The following KCNS2 variants were observed in gnomAD, a reference collection of about 807,000 sequenced individuals.
KCNS2 encodes the protein potassium voltage-gated channel modifier subfamily S member 2, also known as delayed-rectifier potassium channel regulatory subunit KCNS2.
In KCNS2, 15 loss-of-function variants were observed where a neutral mutation model predicts 28.3. The observed-to-expected ratio is 0.53, with a 90% CI of 0.35 to 0.82. The LOEUF (loss-of-function observed/expected upper bound fraction) is 0.82. KCNS2 is among the 40% of genes least tolerant of loss of function. The pLI, the probability that KCNS2 is intolerant of heterozygous loss-of-function variation, is 0.01. For missense variants in KCNS2, 501 were observed against 617.1 expected (o/e 0.81, Z 1.99); for synonymous variants, 254 against 256.7 (o/e 0.99, Z 0.10).
Position 98,427,300 on chromosome 8 carries a change from G to T in KCNS2, c.-72G>T, listed in dbSNP as rs1472634526. 6.6e-6 allele frequency: 1 copy of T among 151,598 alleles called. No homozygotes were observed. The highest frequency in any genetic ancestry group is 2.4e-5 in the African/African-American group (1 of 41,352). 9.4% of individuals were successfully genotyped at this position (151,598 alleles called of 1,614,324 possible). A position where few individuals can be genotyped will look rare whatever the true frequency, so the allele number is the denominator to read the frequency against. ...CCGCGGGTTGGGGAAGTTTCCCGCC[G>T]GCCTCGGCCGCGGGCACCCGTGCTC... On this transcript the variant is annotated 5_prime_UTR_variant, in exon 1 of 2. Transcript: ENST00000287042.
rs1425676977 is a variant in KCNS2, at chr8:98,431,985, C to T, written c.*2572C>T. 6.0e-6 allele frequency: 1 copy of T among 167,082 alleles called. No individual in the cohort carries two copies. Among genetic ancestry groups the T allele is most frequent in the African/African-American group, 2.4e-5 (1 of 41,442 alleles). 10.3% of individuals were successfully genotyped at this position (167,082 alleles called of 1,614,324 possible). ...GTGGGAGAAAGAACAACCCGGCTGG[C>T]TTAAACCCTGGAGCTAATTCCCACA... On this transcript the variant is annotated 3_prime_UTR_variant, in exon 2 of 2. Transcript: ENST00000287042.
At position 98,428,600 on chromosome 8, in the gene KCNS2, T is replaced by C; in HGVS notation, c.621T>C (p.Asn207=). ...GGTCCATCATCACCATGTGCCTCAA[T>C]AGCCTGCCCGATTTCCAAATCCCTG... ...VMGSIITMCL[N]SLPDFQIPDS... is the part of the protein sequence containing the mutation. Residue 207 remains asparagine (N), a synonymous_variant, in exon 2 of 2, where the codon AAT becomes AAC. Coordinates refer to ENST00000287042, the MANE Select transcript of KCNS2 (RefSeq NM_020697.4). The surrounding 1 kb of genome is among the most constrained non-coding windows in gnomAD (Gnocchi z 6.7). 6.2e-7 allele frequency: 1 copy of C among 1,614,086 alleles called. No individual in the cohort carries two copies. Among genetic ancestry groups the C allele is most frequent in the Non-Finnish European group, 8.5e-7 (1 of 1,180,020 alleles).
chr8:98,429,003 A>G lies in KCNS2; in HGVS notation c.1024A>G (p.Ile342Val). The change falls in exon 2 of 2, where the codon ATC becomes GTC. Residue 342 changes from isoleucine (I) to valine (V), a missense_variant. By Grantham distance (29) the Ile-to-Val change is conservative. Coordinates refer to ENST00000287042, the MANE Select transcript of KCNS2 (RefSeq NM_020697.4). ...LLLYLSVGIS[I>V]FSVVAYTIEK... is the part of the protein sequence containing the mutation. ...GCTCTACCTCTCCGTGGGGATTTCC[A>G]TCTTCTCCGTGGTGGCCTACACCAT... 6.2e-7 allele frequency: 1 copy of G among 1,613,990 alleles called. No individual in the cohort carries two copies. Among genetic ancestry groups the G allele is most frequent in the Non-Finnish European group, 8.5e-7 (1 of 1,179,968 alleles).
In KCNS2 at chr8:98,429,440, C is replaced by G; in HGVS notation, c.*27C>G. On this transcript the variant is annotated 3_prime_UTR_variant, in exon 2 of 2. Coordinates refer to ENST00000287042, the MANE Select transcript of KCNS2 (RefSeq NM_020697.4). ...CGGGAGGACTTGTCACCCTCCACCC[C>G]ACATTGCTGAGCTGCCTCTTGTGCC... 4 of 1,517,806 alleles carry G rather than the reference C, an allele frequency of 2.6e-6. No homozygotes were observed. The highest frequency in any genetic ancestry group is 3.6e-6 in the Non-Finnish European group (4 of 1,102,134). 94.0% of individuals were successfully genotyped at this position (1,517,806 alleles called of 1,614,324 possible).
chr8:98,429,463 G>A lies in KCNS2; in HGVS notation c.*50G>A, dbSNP rs1395989668. ...CCCACATTGCTGAGCTGCCTCTTGT[G>A]CCTCTGGCACAGCCCAGGCACCTTA... On this transcript the variant is annotated 3_prime_UTR_variant, in exon 2 of 2. Transcript: ENST00000287042. The A allele has an allele frequency of 2.2e-6, 3 of 1,375,904 alleles. No homozygotes were observed. Among genetic ancestry groups the A allele is most frequent in the Non-Finnish European group, 2.0e-6 (2 of 981,372 alleles). The allele number at this position is 1,375,904 out of a possible 1,614,324, so 85.2% of individuals were successfully genotyped here.
Position 98,428,401 on chromosome 8 carries a change from A to C in KCNS2, c.422A>C (p.Gln141Pro). The C allele has an allele frequency of 1.2e-6, 2 of 1,614,164 alleles. No homozygotes were observed. Among genetic ancestry groups the C allele is most frequent in the Non-Finnish European group, 1.7e-6 (2 of 1,180,032 alleles). Residue 141 changes from glutamine (Q) to proline (P), a missense_variant, in exon 2 of 2, where the codon CAG (glutamine) becomes CCG (proline). Gln to Pro is a moderately conservative substitution (Grantham distance 76). Coordinates refer to ENST00000287042, the MANE Select transcript of KCNS2 (RefSeq NM_020697.4). This position sits in a 1 kb window ranked among gnomAD's most constrained non-coding sequence, Gnocchi z 6.7. ...GAGAAGTGGGACGAGCAGAGTGACC[A>C]GGAGAGCACCACGTCTTCCTTCGAT... ...EQEKWDEQSD[Q>P]ESTTSSFDEI... is the part of the protein sequence containing the mutation.
chr8:98,432,356 C>A lies in KCNS2; in HGVS notation c.*2943C>A, dbSNP rs1413800404. ...GGTTATTGTTTTCAATGCCAGTGGGCCAAATATATGGGCCAGGCTTTGATA... is the reference window on the plus strand; with the variant it reads ...GGTTATTGTTTTCAATGCCAGTGGGACAAATATATGGGCCAGGCTTTGATA... On this transcript the variant is annotated 3_prime_UTR_variant, in exon 2 of 2. Coordinates refer to ENST00000287042, the MANE Select transcript of KCNS2 (RefSeq NM_020697.4). The A allele has an allele frequency of 1.8e-5, 3 of 167,044 alleles. No homozygotes were observed. The highest frequency in any genetic ancestry group is 4.4e-5 in the Non-Finnish European group (3 of 68,118). The allele number at this position is 167,044 out of a possible 1,614,324, so 10.3% of individuals were successfully genotyped here.
At position 98,428,964 on chromosome 8, in the gene KCNS2, G is replaced by A; in HGVS notation, c.985G>A (p.Val329Ile). Reference sequence around the variant, plus strand: ...CACTTTGAAATACAGCTACAAAGAAGTAGGGCTGCTCTTGCTCTACCTCTC... The same window carrying A: ...CACTTTGAAATACAGCTACAAAGAAATAGGGCTGCTCTTGCTCTACCTCTC... ...GATLKYSYKE[V>I]GLLLLYLSVG... is the part of the protein sequence containing the mutation. The change falls in exon 2 of 2, where the codon GTA becomes ATA. Residue 329 changes from valine (V) to isoleucine (I), a missense_variant. By Grantham distance (29) the Val-to-Ile change is conservative. Coordinates refer to ENST00000287042, the MANE Select transcript of KCNS2 (RefSeq NM_020697.4). This position sits in a 1 kb window ranked among gnomAD's most constrained non-coding sequence, Gnocchi z 6.7. 1 of 1,614,192 alleles carries A rather than the reference G, an allele frequency of 6.2e-7. No individual in the cohort carries two copies. The highest frequency in any genetic ancestry group is 1.1e-5 in the South Asian group (1 of 91,082).
Position 98,428,443 on chromosome 8 carries a change from A to G in KCNS2, c.464A>G (p.Tyr155Cys). 6.2e-7 allele frequency: 1 copy of G among 1,614,130 alleles called. No homozygotes were observed. ...TSSFDEILAFYNDASKFDGQP... is the reference protein window; with the variant it reads ...TSSFDEILAFCNDASKFDGQP... ...TCCTTCGATGAGATCCTTGCCTTCT[A>G]CAACGACGCCTCCAAGTTCGATGGG... The change falls in exon 2 of 2, where the codon TAC becomes TGC. Residue 155 changes from tyrosine to cysteine, a missense_variant. Transcript: ENST00000287042. The surrounding 1 kb of genome is among the most constrained non-coding windows in gnomAD (Gnocchi z 6.7).
At position 98,429,749 on chromosome 8, in the gene KCNS2, C is replaced by G. The variant is rs2131071142; in HGVS notation, c.*336C>G. ...CTATTCTAGTGCTTGTGGCCCAGTACTGTCTATGAGTTGTCGTGCTCCTGT... is the reference window on the plus strand; with the variant it reads ...CTATTCTAGTGCTTGTGGCCCAGTAGTGTCTATGAGTTGTCGTGCTCCTGT... On this transcript the variant is annotated 3_prime_UTR_variant, in exon 2 of 2. Coordinates refer to ENST00000287042, the MANE Select transcript of KCNS2 (RefSeq NM_020697.4). The G allele has an allele frequency of 3.8e-6, 1 of 259,776 alleles. No individual in the cohort carries two copies. Among genetic ancestry groups the G allele is most frequent in the Non-Finnish European group, 7.9e-6 (1 of 126,888 alleles). 16.1% of individuals were successfully genotyped at this position (259,776 alleles called of 1,614,324 possible).
rs1818285691 is a variant in KCNS2 at position 98,428,830 on chromosome 8, C to T, written c.851C>T (p.Thr284Ile). 6.2e-7 allele frequency: 1 copy of T among 1,614,196 alleles called. No homozygotes were observed. Among genetic ancestry groups the T allele is most frequent in the Non-Finnish European group, 8.5e-7 (1 of 1,180,036 alleles). ...GTGGTGAACCTGGTGGTGGAGAGCA[C>T]ACCTACTTTAGCCAACTTGGGCAGG... ...TLVVNLVVES[T>I]PTLANLGRVA... The change falls in exon 2 of 2, where the codon ACA (threonine) becomes ATA (isoleucine). Residue 284 changes from threonine (T) to isoleucine (I), a missense_variant. Physicochemically the swap from Thr to Ile is moderately conservative, Grantham distance 89. Transcript: ENST00000287042. The surrounding 1 kb of genome is among the most constrained non-coding windows in gnomAD (Gnocchi z 6.7).
chr8:98,428,574 G>C lies in KCNS2; in HGVS notation c.595G>C (p.Gly199Arg). 1 of 1,614,140 alleles carries C rather than the reference G, an allele frequency of 6.2e-7. No homozygotes were observed. The highest frequency in any genetic ancestry group is 8.5e-7 in the Non-Finnish European group (1 of 1,180,022). ...CATCCTGTCCATCCTGGTGGTGATG[G>C]GGTCCATCATCACCATGTGCCTCAA... ...FSILSILVVM[G>R]SIITMCLNSL... The change falls in exon 2 of 2, where the codon GGG (glycine) becomes CGG (arginine). Residue 199 changes from glycine to arginine, a missense_variant. Coordinates refer to ENST00000287042, the MANE Select transcript of KCNS2 (RefSeq NM_020697.4). This position sits in a 1 kb window ranked among gnomAD's most constrained non-coding sequence, Gnocchi z 6.7.
rs1426328822 is a variant in KCNS2, at chr8:98,427,921, G to A, written c.-42-17G>A. Reference sequence around the variant, plus strand: ...GGCGCACGGCGCTCTCGCCGACGCTGTTCCCTCCGCTTCCAGGTGTAGCGC... The same window carrying A: ...GGCGCACGGCGCTCTCGCCGACGCTATTCCCTCCGCTTCCAGGTGTAGCGC... On this transcript the variant is annotated splice_polypyrimidine_tract_variant and intron_variant, in intron 1 of 1. Transcript: ENST00000287042. 4 of 1,397,082 alleles carry A rather than the reference G, an allele frequency of 2.9e-6. No individual in the cohort carries two copies. Among genetic ancestry groups the A allele is most frequent in the East Asian group, 2.5e-5 (1 of 39,830 alleles). 86.5% of individuals were successfully genotyped at this position (1,397,082 alleles called of 1,614,324 possible). A position where few individuals can be genotyped will look rare whatever the true frequency, so the allele number is the denominator to read the frequency against.
intron 1 of KCNS2, 36 bp from the exon 2 acceptor site, chr8:98,427,902 C>G (rs1339981145): frequency 3.9e-6 from 5 of 1,276,418 alleles, no homozygotes; most frequent in African/African-American, 1.5e-5. Flanking sequence ...CCAGGGCGCA[C>G]GGCGCTCTCG....
chr8:98,428,756 C>T lies in KCNS2; in HGVS notation c.777C>T (p.Ala259=), dbSNP rs755166876. Residue 259 remains alanine (A), a synonymous_variant, in exon 2 of 2, where the codon GCC becomes GCT. Coordinates refer to ENST00000287042, the MANE Select transcript of KCNS2 (RefSeq NM_020697.4). The surrounding 1 kb of genome is among the most constrained non-coding windows in gnomAD (Gnocchi z 6.7). ...ACTTCCTCAAGTTCTTCAAGAATGC[C>T]CTAAACCTTATTGACCTCATGTCCA... The part of the protein sequence containing the change: ...APDFLKFFKN[A]LNLIDLMSIV... The T allele has an allele frequency of 6.2e-7, 1 of 1,614,162 alleles. No homozygotes were observed. The highest frequency in any genetic ancestry group is 8.5e-7 in the Non-Finnish European group (1 of 1,180,032).
chr8:98,432,055 C>T lies in KCNS2; in HGVS notation c.*2642C>T, dbSNP rs1818342090. 1 of 167,064 alleles carries T rather than the reference C, an allele frequency of 6.0e-6. No individual in the cohort carries two copies. Among genetic ancestry groups the T allele is most frequent in the African/African-American group, 2.4e-5 (1 of 41,440 alleles). 10.3% of individuals were successfully genotyped at this position (167,064 alleles called of 1,614,324 possible). On this transcript the variant is annotated 3_prime_UTR_variant, in exon 2 of 2. Coordinates refer to ENST00000287042, the MANE Select transcript of KCNS2 (RefSeq NM_020697.4). Reference sequence around the variant, plus strand: ...TGACCCAGGGAGAAATAATCTTCCTCTCCCCTAAAGTCTCACTAAGGTTTG... The same window carrying T: ...TGACCCAGGGAGAAATAATCTTCCTTTCCCCTAAAGTCTCACTAAGGTTTG...
intron 1 of KCNS2, 38 bp from the exon 2 acceptor site, chr8:98,427,900 C>T: frequency 7.9e-7 from 1 of 1,264,354 alleles, no homozygotes; most frequent in Non-Finnish European, 1.1e-6. Context: ...CGCCAGGGCG[C>T]ACGGCGCTCT....
At position 98,427,946 on chromosome 8, in the gene KCNS2, C is replaced by A. The variant is rs1174323024; in HGVS notation, c.-34C>A. 1 of 1,463,926 alleles carries A rather than the reference C, an allele frequency of 6.8e-7. No individual in the cohort carries two copies. Among genetic ancestry groups the A allele is most frequent in the East Asian group, 2.5e-5 (1 of 40,110 alleles). 90.7% of individuals were successfully genotyped at this position (1,463,926 alleles called of 1,614,324 possible). A position where few individuals can be genotyped will look rare whatever the true frequency, so the allele number is the denominator to read the frequency against. ...GTTCCCTCCGCTTCCAGGTGTAGCGCCCCCGCGCGGCGCGGGCGGCCGGCG... is the reference window on the plus strand; with the variant it reads ...GTTCCCTCCGCTTCCAGGTGTAGCGACCCCGCGCGGCGCGGGCGGCCGGCG... On this transcript the variant is annotated 5_prime_UTR_variant, in exon 2 of 2. Coordinates refer to ENST00000287042, the MANE Select transcript of KCNS2 (RefSeq NM_020697.4).
rs563810314 is a variant in KCNS2 at position 98,429,511 on chromosome 8, C to T, written c.*98C>T. ...TTATGGTTATGGTGTAAGGAGTATG[C>T]CCAGCCCCTGAGGGGAGAGATGCAT... On this transcript the variant is annotated 3_prime_UTR_variant, in exon 2 of 2. Coordinates refer to ENST00000287042, the MANE Select transcript of KCNS2 (RefSeq NM_020697.4). 2.5e-5 allele frequency: 21 copies of T among 849,474 alleles called. No individual in the cohort carries two copies. In the East Asian group the frequency reaches 5.2e-4, roughly 21 times the overall value. The allele number at this position is 849,474 out of a possible 1,614,324, so 52.6% of individuals were successfully genotyped here.
Sources: gnomAD v4.1 joint callset for allele counts on GRCh38, gnomAD v4.1.1 for gene constraint, Gnocchi (gnomAD v3.1) non-coding constraint, MANE v1.5 for transcripts, NCBI Gene and HGNC (gene_info 2026-07-23, HGNC 2026-07-21) for gene names.